The following CLSTN2 variants were observed in gnomAD, a reference collection of about 807,000 sequenced individuals.
The protein encoded by CLSTN2 is calsyntenin 2, also known as calsyntenin-2.
CLSTN2 carries 48 observed loss-of-function variants against 101.2 expected under a neutral mutation model. The observed-to-expected ratio is 0.47, with a 90% CI of 0.38 to 0.60. The LOEUF (loss-of-function observed/expected upper bound fraction) is 0.60, where lower values mean the gene tolerates loss of function less well. Among genes scored for constraint, CLSTN2 ranks in the 20% least tolerant of loss-of-function variants. The pLI is 0.00. For synonymous variants in CLSTN2, 481 were observed against 463.6 expected (o/e 1.04, Z -0.48); for missense variants, 1,160 against 1,238.2 (o/e 0.94, Z 0.95).
chr3:140,125,574 G>C (rs145996863), intron 1 of CLSTN2, among the ~76,000 whole-genome samples: 1 of 152,230 alleles, frequency 6.6e-6, no homozygotes, highest in East Asian at 1.9e-4. Context: ...AGTTGGAAGG[G>C]AGTGTGGGTG....
chr3:140,439,687 T>A (rs2088737568), intron 5 of CLSTN2, among the ~76,000 whole-genome samples: 1 of 151,978 alleles, frequency 6.6e-6, no homozygotes, highest in Admixed American at 6.6e-5. Flanking sequence ...GGGTGGGGGG[T>A]GTGCACACAT....
At chr3:140,323,387 G>T (rs957364153) in intron 2 of CLSTN2, among the ~76,000 whole-genome samples, 1 of 152,230 alleles carries the variant, frequency 6.6e-6, no homozygotes, top group Non-Finnish European at 1.5e-5. Context: ...AAATAAGTTA[G>T]TATGCAAAGA....
chr3:140,563,262 A>T, intron 15 of CLSTN2, 59 bp downstream of exon 15: 2 of 1,577,402 alleles, frequency 1.3e-6, no homozygotes, highest in Non-Finnish European at 1.7e-6. Flanking sequence ...ACTCAAGATT[A>T]TCTACTCAAC....
chr3:140,332,341 AG>A (rs2087391596), intron 2 of CLSTN2, among the ~76,000 whole-genome samples: 1 of 152,144 alleles, frequency 6.6e-6, no homozygotes. Flanking sequence ...AAGCTGGGGG[AG>A]GGGTGAGCAA....
intron 1 of CLSTN2, among the ~76,000 whole-genome samples, chr3:140,081,770 G>A (rs2008603320): frequency 6.6e-6 from 1 of 152,132 alleles, no homozygotes; most frequent in Admixed American, 6.5e-5. Context: ...CCGATCAACT[G>A]GATTTAGCAT....
intron 1 of CLSTN2, among the ~76,000 whole-genome samples, chr3:140,129,928 C>T (rs899282116): frequency 2.2e-4 from 34 of 152,170 alleles, no homozygotes; most frequent in Non-Finnish European, 1.3e-4. Context: ...CAACTGGAAC[C>T]CCATTCATCA....
chr3:140,163,374 C>T (rs1050111189), intron 1 of CLSTN2, among the ~76,000 whole-genome samples: 1 of 151,360 alleles, frequency 6.6e-6, no homozygotes, highest in Non-Finnish European at 1.5e-5. Context: ...AATTTGCTAA[C>T]CCCCCACAAA....
At chr3:140,394,317 A>G (rs1221914705) in intron 2 of CLSTN2, among the ~76,000 whole-genome samples, 2 of 152,200 alleles carry the variant, frequency 1.3e-5, no homozygotes, top group Admixed American at 1.3e-4. Context: ...TTGGGATTTG[A>G]ATCCAGGTTT....
At chr3:140,530,498 T>C (rs527942143) in intron 8 of CLSTN2, among the ~76,000 whole-genome samples, 1 of 152,336 alleles carries the variant, frequency 6.6e-6, no homozygotes, top group Admixed American at 6.5e-5. Context: ...CATTGTAATG[T>C]TGAGAGGGGA....
intron 1 of CLSTN2, among the ~76,000 whole-genome samples, chr3:140,027,119 G>A (rs16849705): frequency 0.077 from 11,790 of 152,278 alleles, 495 homozygotes; most frequent in East Asian, 0.16. Flanking sequence ...AGCCCAGGGC[G>A]TTCATCAGAG....
At chr3:139,969,477 C>T (rs185252087) in intron 1 of CLSTN2, among the ~76,000 whole-genome samples, 15 of 152,316 alleles carry the variant, frequency 9.8e-5, no homozygotes, top group African/African-American at 3.1e-4. Flanking sequence ...TATGCACAAT[C>T]TTGTCACTGC....
chr3:140,239,704 G>A (rs1271608598), intron 2 of CLSTN2, among the ~76,000 whole-genome samples: 1 of 152,064 alleles, frequency 6.6e-6, no homozygotes. Flanking sequence ...CTTTCTCCAA[G>A]TGCTAAAAGC....
At chr3:140,139,500 G>GC (rs2009664356) in intron 1 of CLSTN2, among the ~76,000 whole-genome samples, 1 of 152,252 alleles carries the variant, frequency 6.6e-6, no homozygotes, top group Admixed American at 6.5e-5. Flanking sequence ...CATCTGAGGA[G>GC]CTTTAAAAAC....
At chr3:140,519,522 G>A (rs528105767) in intron 8 of CLSTN2, among the ~76,000 whole-genome samples, 4 of 152,152 alleles carry the variant, frequency 2.6e-5, no homozygotes, top group Non-Finnish European at 4.4e-5. Flanking sequence ...CTCCTGTATT[G>A]AGTGCATATA....
chr3:140,102,587 A>G (rs1482036696), intron 1 of CLSTN2, among the ~76,000 whole-genome samples: 1 of 152,240 alleles, frequency 6.6e-6, no homozygotes, highest in East Asian at 1.9e-4. Flanking sequence ...TAATTTCCTT[A>G]TGCAGACAAC....
chr3:140,485,270 G>A (rs60036986), intron 8 of CLSTN2, among the ~76,000 whole-genome samples: 4,101 of 152,296 alleles, frequency 0.027, 206 homozygotes, highest in African/African-American at 0.092. Context: ...GCAGAACAGC[G>A]GATATTGGTG....
At chr3:140,183,996 T>C (rs1194336926) in intron 2 of CLSTN2, among the ~76,000 whole-genome samples, 3 of 152,190 alleles carry the variant, frequency 2.0e-5, no homozygotes, top group Admixed American at 6.5e-5. Context: ...TTCTTTCTTA[T>C]TGGGCAGCTT....
chr3:140,051,170 C>T (rs562700039), intron 1 of CLSTN2, among the ~76,000 whole-genome samples: 1 of 152,308 alleles, frequency 6.6e-6, no homozygotes, highest in South Asian at 2.1e-4. Context: ...GCTCAGGCTT[C>T]GCTGATCGTG....
chr3:140,074,364 A>G (rs2008450803), intron 1 of CLSTN2, among the ~76,000 whole-genome samples: 1 of 151,918 alleles, frequency 6.6e-6, no homozygotes, highest in Non-Finnish European at 1.5e-5. Context: ...TTGACTGGAG[A>G]TGCCCCTCCA....
Sources: gnomAD v4.1 joint callset for allele counts (sites outside exome capture counted in the v4.1 genomes callset) on GRCh38, gnomAD v4.1.1 for gene constraint, MANE v1.5 for transcripts, NCBI Gene and HGNC (gene_info 2026-07-23, HGNC 2026-07-21) for gene names.